The following F3 variants were observed in gnomAD, a reference collection of about 807,000 sequenced individuals.
F3 encodes the protein tissue factor.
Under a neutral mutation model 33.5 loss-of-function variants are expected in F3, and 18 were observed. The observed-to-expected ratio is 0.54, with a 90% CI of 0.37 to 0.80. F3 has a LOEUF of 0.80. Ranked by LOEUF, F3 falls within the 30% of genes least tolerant of loss-of-function variation. The pLI is 0.00. For missense variants in F3, 353 were observed against 362.1 expected (o/e 0.97, Z 0.20); for synonymous variants, 147 against 140.7 (o/e 1.05, Z -0.32).
In F3 at chr1:94,530,397, C is replaced by A; in HGVS notation, c.*63G>T. 2 of 1,599,448 alleles carry A rather than the reference C, an allele frequency of 1.3e-6. No individual in the cohort carries two copies. Among genetic ancestry groups the A allele is most frequent in the Admixed American group, 1.7e-5 (1 of 59,338 alleles). Reference sequence around the variant, plus strand: ...TCATTTGCGTTTCCATGTATTCTATCCTCTTAAAAGTTCTCGGTCACAGTG... The same window carrying A: ...TCATTTGCGTTTCCATGTATTCTATACTCTTAAAAGTTCTCGGTCACAGTG... On this transcript the variant is annotated 3_prime_UTR_variant, in exon 6 of 6. Coordinates refer to ENST00000334047, the MANE Select transcript of F3 (RefSeq NM_001993.5).
chr1:94,539,855 T>C (rs72968355), intron 2 of F3, among the ~76,000 whole-genome samples: 175 of 152,270 alleles, frequency 1.1e-3, no homozygotes, highest in African/African-American at 4.0e-3. Context: ...TTGGGATTCC[T>C]CCCCACCTCT....
At chr1:94,532,179 A>T in intron 5 of F3, 142 bp downstream of exon 5, 1 of 841,660 alleles carries the variant, frequency 1.2e-6, no homozygotes, top group Non-Finnish European at 1.8e-6. Context: ...ACAAACAAAT[A>T]ACAACAAAAA....
At chr1:94,530,975 G>C (rs1651406067) in intron 5 of F3, among the ~76,000 whole-genome samples, 1 of 152,208 alleles carries the variant, frequency 6.6e-6, no homozygotes, top group African/African-American at 2.4e-5. Context: ...CAGGATTTGG[G>C]TGAAGAAGAG....
chr1:94,537,491 GGTAC>G (rs1361395419), intron 2 of F3, among the ~76,000 whole-genome samples: 1 of 152,164 alleles, frequency 6.6e-6, no homozygotes, highest in African/African-American at 2.4e-5. Context: ...CAGTCTGCCT[GGTAC>G]GAGGGCTGCA....
chr1:94,535,936 T>C (rs1463262672), intron 3 of F3, 29 bp downstream of exon 3: 4 of 1,595,760 alleles, frequency 2.5e-6, no homozygotes, highest in African/African-American at 2.7e-5. Context: ...CTAACAAGAA[T>C]GAACGGTATT....
Position 94,541,660 on chromosome 1 carries a change from G to A in F3, c.-24C>T, listed in dbSNP as rs768753666. On this transcript the variant is annotated 5_prime_UTR_variant, in exon 1 of 6. Coordinates refer to ENST00000334047, the MANE Select transcript of F3 (RefSeq NM_001993.5). Reference sequence around the variant, plus strand: ...ATGTCTACCAGTTGGCGGCGAGATCGAGCGGGTTCCGTGGCGCCCGTGGGG... The same window carrying A: ...ATGTCTACCAGTTGGCGGCGAGATCAAGCGGGTTCCGTGGCGCCCGTGGGG... The A allele has an allele frequency of 7.3e-6, 10 of 1,375,982 alleles. No individual in the cohort carries two copies. The highest frequency in any genetic ancestry group is 1.5e-5 in the African/African-American group (1 of 66,758). 85.2% of individuals were successfully genotyped at this position (1,375,982 alleles called of 1,614,324 possible).
rs1319288355 is a variant in F3 at position 94,535,993 on chromosome 1, G to T, written c.384C>A (p.Asn128Lys). 6.2e-7 allele frequency: 1 copy of T among 1,614,088 alleles called. No homozygotes were observed. The highest frequency in any genetic ancestry group is 8.5e-7 in the Non-Finnish European group (1 of 1,180,044). Reference sequence around the variant, plus strand: ...CCAGGTAAGGTGTGAACTCTGGGGAGTTCTCATACAGAGGCTCCCCAGCAG... The same window carrying T: ...CCAGGTAAGGTGTGAACTCTGGGGATTTCTCATACAGAGGCTCCCCAGCAG... ...TGSAGEPLYE[N>K]SPEFTPYLET... is the part of the protein sequence containing the mutation. Residue 128 changes from asparagine to lysine, a missense_variant, in exon 3 of 6, where the codon AAC becomes AAA. Asn to Lys is a moderately conservative substitution (Grantham distance 94). Coordinates refer to ENST00000334047, the MANE Select transcript of F3 (RefSeq NM_001993.5).
At chr1:94,534,822 T>G (rs544842987) in intron 3 of F3, among the ~76,000 whole-genome samples, 1 of 152,242 alleles carries the variant, frequency 6.6e-6, no homozygotes, top group African/African-American at 2.4e-5. Context: ...AACAAAGGAT[T>G]TGAAGTAGCT....
In F3 at chr1:94,541,557, G is replaced by A; in HGVS notation, c.80C>T (p.Ala27Val). 1 of 1,503,588 alleles carries A rather than the reference G, an allele frequency of 6.7e-7. No homozygotes were observed. The highest frequency in any genetic ancestry group is 8.9e-7 in the Non-Finnish European group (1 of 1,127,390). 93.1% of individuals were successfully genotyped at this position (1,503,588 alleles called of 1,614,324 possible). A position where few individuals can be genotyped will look rare whatever the true frequency, so the allele number is the denominator to read the frequency against. The change falls in exon 1 of 6, where the codon GCC (alanine) becomes GTC (valine). Residue 27 changes from alanine to valine, a missense_variant. Coordinates refer to ENST00000334047, the MANE Select transcript of F3 (RefSeq NM_001993.5). ...ARTLLLGWVF[A>V]QVAGASGTTN... ...CTCACCTGAAGCGCCGGCCACCTGG[G>A]CGAAGACCCAGCCGAGCAGGAGCGT... is the stretch of plus-strand genomic sequence containing the variant.
chr1:94,536,958 C>T, intron 2 of F3, among the ~76,000 whole-genome samples: 1 of 152,066 alleles, frequency 6.6e-6, no homozygotes, highest in Admixed American at 6.6e-5. Flanking sequence ...TCTTTCTTAT[C>T]CATGAGGACA....
chr1:94,530,333 G>T lies in F3; in HGVS notation c.*127C>A. The stretch of plus-strand genomic sequence containing the variant: ...TAATGGTAATAACAGGTCATATCAA[G>T]AGTTTTTTGAACTCCAGGGTCTTCA... On this transcript the variant is annotated 3_prime_UTR_variant, in exon 6 of 6. Coordinates refer to ENST00000334047, the MANE Select transcript of F3 (RefSeq NM_001993.5). The T allele has an allele frequency of 8.5e-7, 1 of 1,180,540 alleles. No homozygotes were observed. The highest frequency in any genetic ancestry group is 1.2e-6 in the Non-Finnish European group (1 of 834,678). 73.1% of individuals were successfully genotyped at this position (1,180,540 alleles called of 1,614,324 possible). A position where few individuals can be genotyped will look rare whatever the true frequency, so the allele number is the denominator to read the frequency against.
Position 94,536,135 on chromosome 1 carries a change from C to G in F3, c.242G>C (p.Cys81Ser), listed in dbSNP as rs1651599184. 1 of 1,613,992 alleles carries G rather than the reference C, an allele frequency of 6.2e-7. No homozygotes were observed. Among genetic ancestry groups the G allele is most frequent in the African/African-American group, 1.3e-5 (1 of 74,900 alleles). ...ACACTCTGTGTCTGTTGTGTAAAAG[C>G]ATTTGCTTTTCCAATCTCCTGACTT... Reference protein sequence around the residue: ...STKSGDWKSKCFYTTDTECDL... With the variant: ...STKSGDWKSKSFYTTDTECDL... Residue 81 changes from cysteine (C) to serine (S), a missense_variant, in exon 3 of 6, where the codon TGC becomes TCC. Physicochemically the swap from Cys to Ser is moderately radical, Grantham distance 112. Coordinates refer to ENST00000334047, the MANE Select transcript of F3 (RefSeq NM_001993.5).
chr1:94,530,517 A>G lies in F3; in HGVS notation c.831T>C (p.Cys277=). ...VIILAISLHK[C]RKAGVGQSWK... is the part of the protein sequence containing the mutation. The stretch of plus-strand genomic sequence containing the variant: ...AGCTCTGCCCCACTCCTGCCTTTCT[A>G]CACTTGTGTAGAGATATAGCCAGGA... The change falls in exon 6 of 6, where the codon TGT becomes TGC. Residue 277 remains cysteine (C), a synonymous_variant. Coordinates refer to ENST00000334047, the MANE Select transcript of F3 (RefSeq NM_001993.5). 1 of 1,614,156 alleles carries G rather than the reference A, an allele frequency of 6.2e-7. No homozygotes were observed. Among genetic ancestry groups the G allele is most frequent in the Non-Finnish European group, 8.5e-7 (1 of 1,180,026 alleles).
chr1:94,532,642 A>G (rs534134972), intron 4 of F3, among the ~76,000 whole-genome samples, 162 bp from the exon 5 acceptor site: 2 of 152,298 alleles, frequency 1.3e-5, no homozygotes, highest in African/African-American at 4.8e-5. Flanking sequence ...GTTTCCCTTG[A>G]TCACTGCTAA....
chr1:94,533,467 C>A (rs1651495726), intron 3 of F3, among the ~76,000 whole-genome samples, 199 bp from the exon 4 acceptor site: 2 of 152,160 alleles, frequency 1.3e-5, no homozygotes, highest in Non-Finnish European at 2.9e-5. Flanking sequence ...AAGGGGAAGA[C>A]AATGGAGCCT....
chr1:94,535,711 C>T (rs888812359), intron 3 of F3, among the ~76,000 whole-genome samples: 7 of 152,044 alleles, frequency 4.6e-5, no homozygotes, highest in African/African-American at 1.7e-4. Flanking sequence ...CAGCCGGTTA[C>T]TGAGGACAGT....
chr1:94,529,234 TAC>T lies in F3; in HGVS notation c.*1224_*1225del, dbSNP rs1191705873. On this transcript the variant is annotated 3_prime_UTR_variant, in exon 6 of 6. Coordinates refer to ENST00000334047, the MANE Select transcript of F3 (RefSeq NM_001993.5). ...CGTTGTTGTAAGCCACTGACAATTT[TAC>T]AGTCATTTACTGTAGTAGAGCTAAT... The T allele has an allele frequency of 1.3e-5, 2 of 152,682 alleles. No individual in the cohort carries two copies. The highest frequency in any genetic ancestry group is 2.9e-5 in the Non-Finnish European group (2 of 68,046). 9.5% of individuals were successfully genotyped at this position (152,682 alleles called of 1,614,324 possible).
chr1:94,532,212 T>C lies in F3; in HGVS notation c.751+109A>G, dbSNP rs1570861319. The C allele has an allele frequency of 5.3e-6, 6 of 1,123,072 alleles. No homozygotes were observed. In the East Asian group the frequency reaches 1.6e-4, roughly 29 times the overall value. 69.6% of individuals were successfully genotyped at this position (1,123,072 alleles called of 1,614,324 possible). ...AAAACCTCCAGGCAGTTTGTTTTCC[T>C]GAATATTTAACCAAGGAAGTATATC... On this transcript the variant is annotated intron_variant, in intron 5 of 5. Coordinates refer to ENST00000334047, the MANE Select transcript of F3 (RefSeq NM_001993.5).
chr1:94,530,274 A>G lies in F3; in HGVS notation c.*186T>C, dbSNP rs1651380872. ...GTTGTAGTACCATTCGTTACATTTC[A>G]AAGTGACTAATGCTGATGTCAAAAC... On this transcript the variant is annotated 3_prime_UTR_variant, in exon 6 of 6. Transcript: ENST00000334047. 1 of 635,996 alleles carries G rather than the reference A, an allele frequency of 1.6e-6. No homozygotes were observed. Among genetic ancestry groups the G allele is most frequent in the Non-Finnish European group, 2.6e-6 (1 of 383,272 alleles). The allele number at this position is 635,996 out of a possible 1,614,324, so 39.4% of individuals were successfully genotyped here. A position where few individuals can be genotyped will look rare whatever the true frequency, so the allele number is the denominator to read the frequency against.
Sources: allele counts gnomAD v4.1 joint callset (sites outside exome capture counted in the v4.1 genomes callset), GRCh38; gene constraint gnomAD v4.1.1; transcripts MANE v1.5; gene names NCBI Gene and HGNC (gene_info 2026-07-23, HGNC 2026-07-21).